STK17A: variants seen among roughly 807,000 people sequenced by gnomAD.
STK17A encodes the protein serine/threonine-protein kinase 17A.
Under a neutral mutation model 43.7 loss-of-function variants are expected in STK17A, and 26 were observed. The ratio of observed to expected loss-of-function variants is 0.60; its 90% CI spans 0.44 to 0.83. STK17A has a LOEUF of 0.83. STK17A is among the 40% of genes least tolerant of loss of function. STK17A has a pLI of 0.00. For missense variants in STK17A, 476 were observed against 511.6 expected (o/e 0.93, Z 0.67); for synonymous variants, 191 against 182.5 (o/e 1.05, Z -0.38).
intron 2 of STK17A, among the ~76,000 whole-genome samples, chr7:43,603,912 C>T (rs1377190701): frequency 2.6e-5 from 4 of 151,908 alleles, no homozygotes; most frequent in Non-Finnish European, 5.9e-5. Flanking sequence ...GATTTGGGTC[C>T]CCTCCCCCAA....
intron 2 of STK17A, among the ~76,000 whole-genome samples, chr7:43,603,838 T>C (rs1467452521): frequency 1.3e-5 from 2 of 152,234 alleles, no homozygotes; most frequent in Non-Finnish European, 2.9e-5. Context: ...TAAAACATTG[T>C]ATAAAATTAT....
At chr7:43,601,445 ATTTG>A (rs1006341478) in intron 2 of STK17A, among the ~76,000 whole-genome samples, 2 of 152,140 alleles carry the variant, frequency 1.3e-5, no homozygotes, top group African/African-American at 4.8e-5. Context: ...CTTACCAAGG[ATTTG>A]TTTTTTTCTG....
intron 2 of STK17A, among the ~76,000 whole-genome samples, chr7:43,607,638 A>T (rs966355971): frequency 1.6e-4 from 18 of 114,450 alleles, no homozygotes; most frequent in African/African-American, 5.4e-4. Context: ...ACAGAGCAAG[A>T]CTCCGTCTCA....
At chr7:43,616,490 G>T (rs1029184169) in intron 3 of STK17A, among the ~76,000 whole-genome samples, 6 of 152,160 alleles carry the variant, frequency 3.9e-5, no homozygotes, top group Admixed American at 3.3e-4. Context: ...CTGTCCTCAT[G>T]AAGCTGTAGA....
Position 43,596,970 on chromosome 7 carries a change from C to A in STK17A, c.419+857C>A, listed in dbSNP as rs936877297. 3.3e-5 allele frequency among the ~76,000 whole-genome samples: 5 copies of A among 151,538 alleles called. No homozygotes were observed. The South Asian group carries it at 1.0e-3, about 32-fold the overall frequency. The stretch of plus-strand genomic sequence containing the variant: ...TTGAGTCCAGGAGTTTGAGATCAGC[C>A]TAAGCAACATAACAAAGACCCTGTC... On this transcript the variant is annotated intron_variant, in intron 2 of 6. Transcript: ENST00000319357.
intron 3 of STK17A, chr7:43,609,459 G>A (rs1191721078): frequency 1.3e-5 from 2 of 152,258 alleles, no homozygotes; most frequent in Non-Finnish European, 2.9e-5. Context: ...CGTGGACTGA[G>A]TGAAGAAGGG....
In STK17A at chr7:43,608,418, A is replaced by AT; in HGVS notation, c.564+22dup. ...ATTTGAAGGTAAGATTCAAATTACAATTTTGAGATTGCTAAAGAATGACAT... is the reference window on the plus strand; with the variant it reads ...ATTTGAAGGTAAGATTCAAATTACAATTTTTGAGATTGCTAAAGAATGACAT... On this transcript the variant is annotated intron_variant, in intron 3 of 6. Transcript: ENST00000319357. 1 of 1,591,852 alleles carries AT rather than the reference A, an allele frequency of 6.3e-7. No homozygotes were observed. Among genetic ancestry groups the AT allele is most frequent in the East Asian group, 2.2e-5 (1 of 44,642 alleles).
intron 3 of STK17A, among the ~76,000 whole-genome samples, chr7:43,611,287 T>C (rs2082853720): frequency 6.6e-6 from 1 of 152,216 alleles, no homozygotes; most frequent in South Asian, 2.1e-4. Flanking sequence ...AAGAAAACAA[T>C]GTGGAAGTTT....
intron 2 of STK17A, among the ~76,000 whole-genome samples, chr7:43,606,326 T>C (rs185159535): frequency 2.5e-3 from 380 of 152,094 alleles, no homozygotes; most frequent in Non-Finnish European, 4.5e-3. Flanking sequence ...GAAAAAACAG[T>C]GTTTGGTTTG....
chr7:43,587,148 TTTTTTG>T (rs2082448093), intron 1 of STK17A, among the ~76,000 whole-genome samples: 1 of 106,278 alleles, frequency 9.4e-6, no homozygotes, highest in African/African-American at 3.0e-5. Context: ...GTTTTTATTG[TTTTTTG>T]TTTTTTTTTT....
At chr7:43,589,133 T>A (rs2082462844) in intron 1 of STK17A, among the ~76,000 whole-genome samples, 1 of 151,556 alleles carries the variant, frequency 6.6e-6, no homozygotes. Context: ...GTATATTAAA[T>A]GTCATGAGGT....
intron 1 of STK17A, among the ~76,000 whole-genome samples, chr7:43,590,926 A>G (rs2152970645): frequency 6.6e-6 from 1 of 151,608 alleles, no homozygotes; most frequent in Non-Finnish European, 1.5e-5. Flanking sequence ...TTCTGAGCAT[A>G]TACACTGGGA....
chr7:43,595,911 G>T lies in STK17A; in HGVS notation c.217G>T (p.Ala73Ser). 1 of 1,613,270 alleles carries T rather than the reference G, an allele frequency of 6.2e-7. No homozygotes were observed. The highest frequency in any genetic ancestry group is 8.5e-7 in the Non-Finnish European group (1 of 1,179,676). Residue 73 changes from alanine to serine, a missense_variant, in exon 2 of 7, where the codon GCA becomes TCA. Ala to Ser is a moderately conservative substitution (Grantham distance 99). Around this residue, in one of 3 missense-constraint regions of STK17A, gnomAD observed 320 missense variants for 326.3 expected, o/e 0.98. Coordinates refer to ENST00000319357, the MANE Select transcript of STK17A (RefSeq NM_004760.3). ...PGRELGRGKF[A>S]VVRKCIKKDS... ...TTTGTTTAATTCTAGGGGGAAATTTGCAGTGGTGAGAAAATGTATAAAGAA... is the reference window on the plus strand; with the variant it reads ...TTTGTTTAATTCTAGGGGGAAATTTTCAGTGGTGAGAAAATGTATAAAGAA...
intron 3 of STK17A, among the ~76,000 whole-genome samples, chr7:43,612,718 T>C (rs1241989169): frequency 1.3e-5 from 2 of 152,162 alleles, no homozygotes; most frequent in Admixed American, 1.3e-4. Context: ...CTGCTTAGCT[T>C]TGGTGCAGAG....
At chr7:43,610,188 T>A (rs2082724847) in intron 3 of STK17A, among the ~76,000 whole-genome samples, 1 of 149,528 alleles carries the variant, frequency 6.7e-6, no homozygotes, top group African/African-American at 2.5e-5. Flanking sequence ...GTAGTAAAAA[T>A]ACAAAAAAAT....
chr7:43,618,472 A>G (rs1327530407), intron 3 of STK17A, among the ~76,000 whole-genome samples: 2 of 152,176 alleles, frequency 1.3e-5, no homozygotes, highest in Non-Finnish European at 2.9e-5. Context: ...TAATCTTGAA[A>G]AGGAAGCAGG....
At chr7:43,611,560 C>T (rs1330497883) in intron 3 of STK17A, among the ~76,000 whole-genome samples, 1 of 152,128 alleles carries the variant, frequency 6.6e-6, no homozygotes, top group Non-Finnish European at 1.5e-5. Context: ...TTCAGTGTGT[C>T]ATATGCATAA....
At chr7:43,598,469 CAAA>C (rs61683967) in intron 2 of STK17A, among the ~76,000 whole-genome samples, 4 of 80,420 alleles carry the variant, frequency 5.0e-5, no homozygotes, top group Non-Finnish European at 7.0e-5. Context: ...GACTCCGTCT[CAAA>C]AAAAAAAAAA....
At chr7:43,603,126 C>G (rs918128009) in intron 2 of STK17A, among the ~76,000 whole-genome samples, 21 of 152,148 alleles carry the variant, frequency 1.4e-4, no homozygotes, top group African/African-American at 5.1e-4. Flanking sequence ...TGGGAAATCC[C>G]TCCTGCTACT....
Sources: allele counts gnomAD v4.1 joint callset (sites outside exome capture counted in the v4.1 genomes callset), GRCh38; gene constraint gnomAD v4.1.1; regional missense constraint gnomAD v4.1.1; transcripts MANE v1.5; gene names NCBI Gene and HGNC (gene_info 2026-07-23, HGNC 2026-07-21).